TLE4: variants seen among roughly 807,000 people sequenced by gnomAD.
The protein encoded by TLE4 is transducin-like enhancer protein 4.
In TLE4, 8 loss-of-function variants were observed where a neutral mutation model predicts 92.8. The ratio of observed to expected loss-of-function variants is 0.09; its 90% CI spans 0.05 to 0.16. The LOEUF (loss-of-function observed/expected upper bound fraction) is 0.16. Ranked by LOEUF, TLE4 falls within the 10% of genes least tolerant of loss-of-function variation. The pLI, the probability that TLE4 is intolerant of heterozygous loss-of-function variation, is 1.00. For synonymous variants in TLE4, 371 were observed against 374.1 expected, an observed-to-expected ratio of 0.99 and a Z score of 0.10; for missense variants, 675 against 997.6, an observed-to-expected ratio of 0.68 and a Z score of 4.36.
intron 8 of TLE4, among the ~76,000 whole-genome samples, chr9:79,690,779 C>CTTTTTTTTTTTTT (rs35528090): frequency 3.7e-5 from 2 of 54,164 alleles, no homozygotes; most frequent in African/African-American, 6.8e-5. Flanking sequence ...CCACTCCTGG[C>CTTTTTTTTTTTTT]TTTTTTTTTT....
intron 8 of TLE4, among the ~76,000 whole-genome samples, chr9:79,662,490 GA>G (rs2060678218): frequency 6.6e-6 from 1 of 151,974 alleles, no homozygotes; most frequent in Non-Finnish European, 1.5e-5. Context: ...CTGTTTTTGT[GA>G]GCGACATTTG....
intron 8 of TLE4, among the ~76,000 whole-genome samples, chr9:79,688,054 C>T (rs1588264659): frequency 2.2e-5 from 3 of 137,846 alleles, no homozygotes; most frequent in Admixed American, 1.4e-4. Context: ...ATGAGAACTT[C>T]CTTCCCTTGT....
At chr9:79,671,582 T>C (rs542126077) in intron 8 of TLE4, 1 of 247,350 alleles carries the variant, frequency 4.0e-6, no homozygotes, top group East Asian at 8.1e-5. Context: ...TTCATTATTT[T>C]ACTACTCATA....
At chr9:79,650,965 A>G (rs1023696901) in intron 6 of TLE4, among the ~76,000 whole-genome samples, 1 of 151,462 alleles carries the variant, frequency 6.6e-6, no homozygotes, top group Non-Finnish European at 1.5e-5. Flanking sequence ...GGAGAAAAAA[A>G]GGTCCACTTT....
At chr9:79,584,071 C>T (rs764374753) in intron 4 of TLE4, among the ~76,000 whole-genome samples, 4 of 152,210 alleles carry the variant, frequency 2.6e-5, no homozygotes, top group Non-Finnish European at 4.4e-5. Flanking sequence ...TCAGCGAATG[C>T]GCCTGAGGTT....
intron 6 of TLE4, among the ~76,000 whole-genome samples, chr9:79,643,218 C>G (rs531928196): frequency 6.6e-6 from 1 of 152,190 alleles, no homozygotes; most frequent in Non-Finnish European, 1.5e-5. Flanking sequence ...CTTTTGTTTT[C>G]TGTCTCTGTT....
At chr9:79,705,033 T>G in intron 9 of TLE4, 131 bp downstream of exon 9, 1 of 1,350,784 alleles carries the variant, frequency 7.4e-7, no homozygotes, top group Non-Finnish European at 1.0e-6. Context: ...AAACATTTAT[T>G]GTATTTATAG....
intron 3 of TLE4, 21 bp downstream of exon 3, chr9:79,574,957 A>AT (rs2037247134): frequency 6.2e-7 from 1 of 1,606,334 alleles, no homozygotes; most frequent in Admixed American, 1.7e-5. Flanking sequence ...CATGTCACAG[A>AT]TTCAAAGTGC....
At chr9:79,618,237 C>G (rs1346487108) in intron 5 of TLE4, among the ~76,000 whole-genome samples, 1 of 152,206 alleles carries the variant, frequency 6.6e-6, no homozygotes, top group African/African-American at 2.4e-5. Flanking sequence ...GCTATTGTTA[C>G]TGCTAATGGT....
chr9:79,646,318 G>A (rs1004766024), intron 6 of TLE4, among the ~76,000 whole-genome samples: 1 of 152,092 alleles, frequency 6.6e-6, no homozygotes, highest in African/African-American at 2.4e-5. Context: ...TAACCCTGTT[G>A]GGAAACATCA....
intron 5 of TLE4, among the ~76,000 whole-genome samples, chr9:79,621,805 A>G (rs2051065871): frequency 6.6e-6 from 1 of 152,114 alleles, no homozygotes; most frequent in Admixed American, 6.5e-5. Flanking sequence ...CATGGTCTCT[A>G]AAGGCCTTTT....
intron 6 of TLE4, among the ~76,000 whole-genome samples, chr9:79,638,164 C>T (rs1485918224): frequency 6.6e-6 from 1 of 152,080 alleles, no homozygotes. Flanking sequence ...AGGCAGGGGA[C>T]ATGACTGGTG....
At chr9:79,681,275 A>G (rs930519112) in intron 8 of TLE4, among the ~76,000 whole-genome samples, 2 of 151,772 alleles carry the variant, frequency 1.3e-5, no homozygotes, top group African/African-American at 2.4e-5. Flanking sequence ...TGAGTCTTGG[A>G]TATACTTAAT....
chr9:79,723,446 G>A (rs2075956424), intron 19 of TLE4, among the ~76,000 whole-genome samples: 1 of 152,128 alleles, frequency 6.6e-6, no homozygotes, highest in African/African-American at 2.4e-5. Flanking sequence ...GAGTGTTATG[G>A]AAAAGTTTGA....
rs777551858 is a variant in TLE4 at position 79,573,828 on chromosome 9, T to G, written c.143+42T>G. Reference sequence around the variant, plus strand: ...TAGCTGATCCTTCTGTTTGCTTAGCTCTTGTCTCCCCGACAAATACACACA... The same window carrying G: ...TAGCTGATCCTTCTGTTTGCTTAGCGCTTGTCTCCCCGACAAATACACACA... On this transcript the variant is annotated intron_variant, in intron 2 of 19. Transcript: ENST00000376552. 12 of 1,425,112 alleles carry G rather than the reference T, an allele frequency of 8.4e-6. No individual in the cohort carries two copies. The Admixed American group carries it at 2.2e-4, about 26-fold the overall frequency. 88.3% of individuals were successfully genotyped at this position (1,425,112 alleles called of 1,614,324 possible).
chr9:79,704,998 AGG>A, intron 9 of TLE4, 96 bp downstream of exon 9: 1 of 1,532,668 alleles, frequency 6.5e-7, no homozygotes, highest in South Asian at 1.2e-5. Flanking sequence ...ACAGGAACAC[AGG>A]ATAACATCCT....
At chr9:79,650,161 C>G (rs1256678496) in intron 6 of TLE4, among the ~76,000 whole-genome samples, 1 of 152,096 alleles carries the variant, frequency 6.6e-6, no homozygotes, top group African/African-American at 2.4e-5. Flanking sequence ...AGTGATCTGA[C>G]CGCCTCAACT....
chr9:79,578,301 G>GA (rs2038575821), intron 4 of TLE4, among the ~76,000 whole-genome samples: 1 of 152,162 alleles, frequency 6.6e-6, no homozygotes, highest in Admixed American at 6.5e-5. Flanking sequence ...TTTGTGTCTC[G>GA]AAGGGTTCAA....
chr9:79,572,702 C>T lies in TLE4; in HGVS notation c.-89C>T, dbSNP rs2036131880. On this transcript the variant is annotated 5_prime_UTR_variant, in exon 1 of 20. Coordinates refer to ENST00000376552, the MANE Select transcript of TLE4 (RefSeq NM_007005.6). ...CCGCCCCTCAGACCGAGCCGGCCGC[C>T]TCCGCTGCCGCGGCCGCCTCCTCTT... 1.4e-6 allele frequency: 2 copies of T among 1,440,468 alleles called. No homozygotes were observed. Among genetic ancestry groups the T allele is most frequent in the South Asian group, 1.2e-5 (1 of 83,562 alleles). 89.2% of individuals were successfully genotyped at this position (1,440,468 alleles called of 1,614,324 possible). A position where few individuals can be genotyped will look rare whatever the true frequency, so the allele number is the denominator to read the frequency against.
Sources: gnomAD v4.1 joint callset for allele counts (sites outside exome capture counted in the v4.1 genomes callset) on GRCh38, gnomAD v4.1.1 for gene constraint, MANE v1.5 for transcripts, NCBI Gene and HGNC (gene_info 2026-07-23, HGNC 2026-07-21) for gene names.